Variants in CACNA1C observed in about 807,000 individuals in gnomAD.
The protein encoded by CACNA1C is calcium voltage-gated channel subunit alpha1 C.
CACNA1C carries 30 observed loss-of-function variants against 229.0 expected under a neutral mutation model. The observed-to-expected ratio is 0.13, with a 90% CI of 0.10 to 0.18. The LOEUF (loss-of-function observed/expected upper bound fraction) is 0.18, where lower values mean the gene tolerates loss of function less well. Among genes scored for constraint, CACNA1C ranks in the 10% least tolerant of loss-of-function variants. The pLI, the probability that CACNA1C is intolerant of heterozygous loss-of-function variation, is 1.00. For synonymous variants in CACNA1C, 1,114 were observed against 1,132.5 expected (o/e 0.98, Z 0.33); for missense variants, 1,658 against 2,845.0 (o/e 0.58, Z 9.49).
upstream of CACNA1C, among the ~76,000 whole-genome samples, chr12:2,051,983 G>A (rs763549776): frequency 3.3e-5 from 5 of 152,200 alleles, no homozygotes; most frequent in Non-Finnish European, 7.3e-5. Flanking sequence ...GAGGCAGGTA[G>A]AGGTTTTCCC....
intron 3 of CACNA1C, among the ~76,000 whole-genome samples, chr12:2,271,501 T>C (rs2084974661): frequency 1.3e-5 from 2 of 152,216 alleles, no homozygotes; most frequent in South Asian, 4.1e-4. Context: ...ACTTACTAGC[T>C]GGGTATAAGT....
intron 13 of CACNA1C, among the ~76,000 whole-genome samples, chr12:2,579,970 C>A (rs571189069): frequency 6.6e-6 from 1 of 152,304 alleles, no homozygotes; most frequent in East Asian, 1.9e-4. Context: ...GTTCTACCCC[C>A]AGAGAGGTTC....
intron 43 of CACNA1C, among the ~76,000 whole-genome samples, chr12:2,683,340 GGGGGTCTCC>G (rs760744358): frequency 3.9e-5 from 6 of 152,200 alleles, no homozygotes; most frequent in Non-Finnish European, 8.8e-5. Context: ...GTGGCTATCT[GGGGGTCTCC>G]TTGAGAAACA....
intron 7 of CACNA1C, among the ~76,000 whole-genome samples, chr12:2,497,999 AC>A: frequency 6.6e-6 from 1 of 151,790 alleles, no homozygotes; most frequent in Middle Eastern, 3.4e-3. Flanking sequence ...ACACACACAC[AC>A]ACAACAGCTA....
At chr12:2,522,405 T>C (rs4765951) in intron 9 of CACNA1C, among the ~76,000 whole-genome samples, 137,282 of 152,296 alleles carry the variant, frequency 0.9, 62,134 homozygotes, top group East Asian at 1. Flanking sequence ...GATAGCCCTA[T>C]ATTCATACCT....
At chr12:2,642,437 C>T (rs553185082) in intron 30 of CACNA1C, among the ~76,000 whole-genome samples, 2 of 152,290 alleles carry the variant, frequency 1.3e-5, no homozygotes, top group East Asian at 3.9e-4. Flanking sequence ...GCTCAGCAAC[C>T]TGCTGCTGGG....
At chr12:2,190,629 G>C (rs1362362952) in intron 3 of CACNA1C, among the ~76,000 whole-genome samples, 1 of 152,186 alleles carries the variant, frequency 6.6e-6, no homozygotes, top group Non-Finnish European at 1.5e-5. Context: ...GGGAAAACAG[G>C]TGTGTTTGTG....
At chr12:2,104,687 G>A (rs909237753) in intron 1 of CACNA1C, among the ~76,000 whole-genome samples, 4 of 152,114 alleles carry the variant, frequency 2.6e-5, no homozygotes, top group Non-Finnish European at 4.4e-5. Context: ...TGCCCATTCC[G>A]TAATCTCTGC....
intron 1 of CACNA1C, chr12:2,004,577 GC>G (rs1229952594): frequency 8.3e-7 from 1 of 1,204,582 alleles, no homozygotes; most frequent in Admixed American, 2.8e-5. Flanking sequence ...CCACCCTCCT[GC>G]CCGCCGACAG....
chr12:2,414,620 G>T (rs1415031410), intron 3 of CACNA1C, among the ~76,000 whole-genome samples: 1 of 152,174 alleles, frequency 6.6e-6, no homozygotes. Context: ...AAATGAAAGG[G>T]TTCTGTGTTC....
At chr12:2,428,130 A>T (rs1470251234) in intron 3 of CACNA1C, among the ~76,000 whole-genome samples, 3 of 107,422 alleles carry the variant, frequency 2.8e-5, no homozygotes, top group Non-Finnish European at 5.7e-5. Flanking sequence ...AGATTGACTT[A>T]TGTACTGTCT....
At chr12:2,533,887 G>A (rs920174503) in intron 9 of CACNA1C, among the ~76,000 whole-genome samples, 3 of 152,200 alleles carry the variant, frequency 2.0e-5, no homozygotes, top group Non-Finnish European at 4.4e-5. Flanking sequence ...AGCATGAAAT[G>A]AGGTGCTGTC....
At chr12:2,454,070 C>T (rs765026630) in intron 4 of CACNA1C, among the ~76,000 whole-genome samples, 4 of 152,222 alleles carry the variant, frequency 2.6e-5, no homozygotes, top group Admixed American at 6.5e-5. Flanking sequence ...CCCCACCTCC[C>T]TGGAGCCCTC....
At chr12:2,007,738 A>G (rs1442452393) in intron 1 of CACNA1C, among the ~76,000 whole-genome samples, 3 of 152,192 alleles carry the variant, frequency 2.0e-5, no homozygotes, top group Admixed American at 2.0e-4. Flanking sequence ...CTTTTCTCCC[A>G]AGTATCTTAC....
At chr12:2,119,241 A>T (rs2085387836) in intron 2 of CACNA1C, among the ~76,000 whole-genome samples, 1 of 152,128 alleles carries the variant, frequency 6.6e-6, no homozygotes, top group Admixed American at 6.5e-5. Context: ...GTGAGTATGG[A>T]TTTCCCTGAG....
chr12:2,305,519 G>T (rs1227012179), intron 3 of CACNA1C, among the ~76,000 whole-genome samples: 2 of 152,196 alleles, frequency 1.3e-5, no homozygotes, highest in Non-Finnish European at 2.9e-5. Context: ...ACACAACTCA[G>T]TCTGGGTCAT....
At chr12:2,618,806 C>T (rs1185346528) in intron 29 of CACNA1C, among the ~76,000 whole-genome samples, 1 of 152,232 alleles carries the variant, frequency 6.6e-6, no homozygotes, top group African/African-American at 2.4e-5. Flanking sequence ...ACACTGGAGC[C>T]CGTTCCTCTT....
At chr12:1,974,424 C>G (rs2033630424) in intron 1 of CACNA1C, among the ~76,000 whole-genome samples, 1 of 152,116 alleles carries the variant, frequency 6.6e-6, no homozygotes, top group African/African-American at 2.4e-5. Flanking sequence ...AGGATATGAG[C>G]TCCCGAAGAC....
At position 2,047,730 on chromosome 12, in the gene CACNA1C, G is replaced by A. The variant is rs76928705; in HGVS notation, c.140-67494G>A. Among the ~76,000 whole-genome samples the A allele has an allele frequency of 5.5e-3, 838 of 152,328 alleles. 9 individuals are homozygous for A. The highest frequency in any genetic ancestry group is 0.019 in the African/African-American group (808 of 41,568). On this transcript the variant is annotated intron_variant, in intron 1 of 46. Transcript: ENST00000682462. ...CTTTGGTCAGGGAAGTGGTACCACC[G>A]TGAGTGATGTGGAGGAAGGGATTGA...
Sources: gnomAD v4.1 joint callset for allele counts (sites outside exome capture counted in the v4.1 genomes callset) on GRCh38, gnomAD v4.1.1 for gene constraint, MANE v1.5 for transcripts, NCBI Gene and HGNC (gene_info 2026-07-23, HGNC 2026-07-21) for gene names.